Variants in NTRK3 observed in about 807,000 individuals in gnomAD.
The protein encoded by NTRK3 is NT-3 growth factor receptor.
NTRK3 carries 24 observed loss-of-function variants against 91.7 expected under a neutral mutation model. The ratio of observed to expected loss-of-function variants is 0.26; its 90% CI spans 0.19 to 0.37. The LOEUF (loss-of-function observed/expected upper bound fraction) is 0.37. Ranked by LOEUF, NTRK3 falls within the 10% of genes least tolerant of loss-of-function variation. NTRK3 has a pLI of 1.00. For missense variants in NTRK3, 880 were observed against 1,068.9 expected (o/e 0.82, Z 2.46); for synonymous variants, 483 against 404.0 (o/e 1.20, Z -2.34).
At position 87,940,725 on chromosome 15, in the gene NTRK3, G is replaced by A. The variant is rs374726520; in HGVS notation, c.1614C>T (p.Ile538=). ...CCTCACCCAGTTCTCGCTTCAGCAC[G>A]ATGTCTCTCCTCTTAATGTGCTGCA... Residue 538 remains isoleucine (I), a synonymous_variant, in exon 15 of 19, where the codon ATC becomes ATT. Transcript: ENST00000394480. 30 of 1,614,150 alleles carry A rather than the reference G, an allele frequency of 1.9e-5. No individual in the cohort carries two copies. In the African/African-American group the frequency reaches 2.9e-4, roughly 16 times the overall value.
intron 13 of NTRK3, among the ~76,000 whole-genome samples, chr15:88,042,570 C>T (rs1425408047): frequency 6.6e-6 from 1 of 152,190 alleles, no homozygotes; most frequent in Non-Finnish European, 1.5e-5. Flanking sequence ...TTCTCTGGCT[C>T]GAATTCCCTC....
intron 3 of NTRK3, among the ~76,000 whole-genome samples, chr15:88,230,360 C>T (rs1252419894): frequency 2.0e-5 from 3 of 152,134 alleles, no homozygotes; most frequent in Non-Finnish European, 4.4e-5. Flanking sequence ...CCACAAGTAT[C>T]CTCACCTCTG....
intron 3 of NTRK3, among the ~76,000 whole-genome samples, chr15:88,185,170 C>G (rs1035395185): frequency 6.6e-6 from 1 of 152,220 alleles, no homozygotes; most frequent in East Asian, 1.9e-4. Flanking sequence ...AGGTTTATAT[C>G]TAGCAAGCAC....
chr15:88,052,632 G>C (rs868196993), intron 13 of NTRK3, among the ~76,000 whole-genome samples: 3 of 152,118 alleles, frequency 2.0e-5, no homozygotes, highest in South Asian at 2.1e-4. Context: ...GTAATCACTG[G>C]GAGTTAATAG....
At chr15:88,059,476 C>T (rs914347913) in intron 13 of NTRK3, among the ~76,000 whole-genome samples, 6 of 152,182 alleles carry the variant, frequency 3.9e-5, no homozygotes, top group African/African-American at 1.4e-4. Context: ...GCACATTATT[C>T]CAGGCCCATA....
At chr15:87,887,312 A>G (rs1321708879) in intron 17 of NTRK3, among the ~76,000 whole-genome samples, 1 of 152,218 alleles carries the variant, frequency 6.6e-6, no homozygotes, top group Non-Finnish European at 1.5e-5. Context: ...AAAATATTTC[A>G]AGAAGCCTGT....
chr15:88,144,600 T>C (rs1260885681), intron 6 of NTRK3, among the ~76,000 whole-genome samples: 2 of 152,074 alleles, frequency 1.3e-5, no homozygotes, highest in East Asian at 3.8e-4. Context: ...GTAGTGATAA[T>C]ATTAAACATC....
At chr15:88,126,123 C>T (rs983191165) in intron 13 of NTRK3, 148 bp downstream of exon 13, 5 of 643,236 alleles carry the variant, frequency 7.8e-6, no homozygotes, top group Admixed American at 4.7e-5. Flanking sequence ...CAAGAACAAG[C>T]GGCAAACAGG....
chr15:88,256,462 C>T (rs747378024), exon 2 of NTRK3: 18 of 518,456 alleles, frequency 3.5e-5, no homozygotes, highest in Non-Finnish European at 5.3e-5. Context: ...GCTCTGGAAG[C>T]GAGGCGCGCT....
At chr15:87,923,795 T>C (rs1302332938) in intron 17 of NTRK3, among the ~76,000 whole-genome samples, 1 of 152,164 alleles carries the variant, frequency 6.6e-6, no homozygotes, top group Non-Finnish European at 1.5e-5. Flanking sequence ...CTCTCATGAA[T>C]GGATTAATGT....
chr15:87,945,348 C>T (rs1466565890), intron 14 of NTRK3, among the ~76,000 whole-genome samples: 2 of 152,216 alleles, frequency 1.3e-5, no homozygotes, highest in Non-Finnish European at 2.9e-5. Context: ...AGAACAGAAA[C>T]AAGATTTCTG....
exon 19 of NTRK3, chr15:87,875,882 A>G (rs1205287115): frequency 4.3e-6 from 1 of 232,308 alleles, no homozygotes; most frequent in East Asian, 6.1e-5. Flanking sequence ...GGCATTCGTT[A>G]TAATGACCTA....
At chr15:88,195,724 A>C (rs1028388792) in intron 3 of NTRK3, among the ~76,000 whole-genome samples, 3 of 152,214 alleles carry the variant, frequency 2.0e-5, no homozygotes, top group African/African-American at 7.2e-5. Context: ...GAGTAAAAAC[A>C]GCCTCGGGCA....
rs1189840967 is a variant in NTRK3 at position 88,241,356 on chromosome 15, T to G, written c.248+14550A>C. On this transcript the variant is annotated intron_variant, in intron 3 of 18. Coordinates refer to ENST00000394480, the Ensembl canonical transcript of NTRK3. The surrounding 1 kb of genome is among the most constrained non-coding windows in gnomAD (Gnocchi z 4.3). ...GGAGGGCAGGGGGATGTCAGTCACC[T>G]GGATGGGAGACACAGCCTGCAGCTC... 6.6e-6 allele frequency among the ~76,000 whole-genome samples: 1 copy of G among 152,126 alleles called. No individual in the cohort carries two copies. Among genetic ancestry groups the G allele is most frequent in the East Asian group, 1.9e-4 (1 of 5,178 alleles).
At chr15:88,247,533 A>G (rs2052954699) in intron 3 of NTRK3, among the ~76,000 whole-genome samples, 1 of 152,228 alleles carries the variant, frequency 6.6e-6, no homozygotes, top group Non-Finnish European at 1.5e-5. Context: ...AGAAAAGGAA[A>G]TAACCAACGT....
At chr15:87,952,705 C>G (rs2071255965) in intron 14 of NTRK3, among the ~76,000 whole-genome samples, 1 of 152,198 alleles carries the variant, frequency 6.6e-6, no homozygotes, top group African/African-American at 2.4e-5. Context: ...TTTTGGAAGT[C>G]TCTGAAGCCC....
chr15:88,062,194 G>A (rs910338976), intron 13 of NTRK3, among the ~76,000 whole-genome samples: 4 of 152,250 alleles, frequency 2.6e-5, no homozygotes, highest in South Asian at 2.1e-4. Flanking sequence ...TCCGCAGAAC[G>A]GGGAGGTGGG....
chr15:88,115,472 G>A (rs541273701), intron 13 of NTRK3, among the ~76,000 whole-genome samples: 2 of 152,348 alleles, frequency 1.3e-5, no homozygotes, highest in Non-Finnish European at 2.9e-5. Flanking sequence ...TTGAAAGGCA[G>A]TTCCTGGAAC....
intron 14 of NTRK3, among the ~76,000 whole-genome samples, chr15:87,970,270 T>C (rs950944532): frequency 1.3e-5 from 2 of 152,214 alleles, no homozygotes; most frequent in African/African-American, 4.8e-5. Flanking sequence ...TCTCAAGCTC[T>C]TATGTGAAAT....
Sources: allele counts gnomAD v4.1 joint callset (sites outside exome capture counted in the v4.1 genomes callset), GRCh38; gene constraint gnomAD v4.1.1; non-coding constraint Gnocchi (gnomAD v3.1); transcripts MANE v1.5; gene names NCBI Gene and HGNC (gene_info 2026-07-23, HGNC 2026-07-21).